BBS2: variants seen among roughly 807,000 people sequenced by gnomAD.
BBS2 encodes BBSome complex member BBS2.
In BBS2, 62 loss-of-function variants were observed where a neutral mutation model predicts 83.0. The ratio of observed to expected loss-of-function variants is 0.75; its 90% CI spans 0.61 to 0.92. BBS2 has a LOEUF of 0.92. Ranked by LOEUF, BBS2 falls within the 40% of genes least tolerant of loss-of-function variation. The pLI is 0.00. For synonymous variants in BBS2, 303 were observed against 326.1 expected (o/e 0.93, Z 0.76); for missense variants, 784 against 901.0 (o/e 0.87, Z 1.66).
At chr16:56,472,287 A>G (rs1195874501) in intron 17 of BBS2, among the ~76,000 whole-genome samples, 17 of 152,082 alleles carry the variant, frequency 1.1e-4, no homozygotes, top group Admixed American at 1.1e-3. Context: ...GTCCAGTTCT[A>G]TTCCTTTTTT....
chr16:56,470,836 A>G, intron 17 of BBS2: 1 of 1,481,050 alleles, frequency 6.8e-7, no homozygotes, highest in Non-Finnish European at 9.0e-7. Context: ...TTAACCATTC[A>G]CCATTCAAAC....
chr16:56,485,803 C>A, intron 15 of BBS2, 65 bp from the exon 16 acceptor site: 1 of 1,521,306 alleles, frequency 6.6e-7, no homozygotes, highest in Non-Finnish European at 9.1e-7. Context: ...GAAAAACTTG[C>A]AAATTTCTTA....
At position 56,497,014 on chromosome 16, in the gene BBS2, G is replaced by C. The variant is rs1221520696; in HGVS notation, c.1863C>G (p.Ile621Met). The C allele has an allele frequency of 1.2e-6, 2 of 1,614,068 alleles. No homozygotes were observed. Among genetic ancestry groups the C allele is most frequent in the Non-Finnish European group, 1.7e-6 (2 of 1,179,984 alleles). Residue 621 changes from isoleucine (I) to methionine (M), a missense_variant, in exon 15 of 17, where the codon ATC (isoleucine) becomes ATG (methionine). By Grantham distance (10) the Ile-to-Met change is conservative. Coordinates refer to ENST00000245157, the MANE Select transcript of BBS2 (RefSeq NM_031885.5). The part of the protein sequence containing the change: ...SADMADHSNL[I>M]RSLLVGAEDA... ...CCTCAGCTCCGACCAGCAAACTTCG[G>C]ATCAAATTAGAATGATCAGCCATAT...
chr16:56,480,018 G>C (rs1346712451), downstream of BBS2, among the ~76,000 whole-genome samples: 1 of 152,234 alleles, frequency 6.6e-6, no homozygotes, highest in Non-Finnish European at 1.5e-5. Context: ...CAGCCTTACA[G>C]AGACTACTTC....
At chr16:56,509,095 T>C (rs958517083) in intron 5 of BBS2, among the ~76,000 whole-genome samples, 2 of 152,182 alleles carry the variant, frequency 1.3e-5, no homozygotes, top group South Asian at 2.1e-4. Context: ...GAAAAAAATA[T>C]AGACATCTCA....
chr16:56,513,557 G>A (rs1964639865), intron 2 of BBS2, among the ~76,000 whole-genome samples: 1 of 152,134 alleles, frequency 6.6e-6, no homozygotes, highest in Non-Finnish European at 1.5e-5. Flanking sequence ...GATCAACCTT[G>A]AAAATATCAT....
In BBS2 at chr16:56,519,649, G is replaced by A. The variant is rs2144213309; in HGVS notation, c.117+97C>T. ...CCGGTTGCCGGGCAACACGGGCTGG[G>A]GGCGGGGTCGGAGAGGGGACGGGAT... On this transcript the variant is annotated intron_variant, in intron 1 of 16. Coordinates refer to ENST00000245157, the MANE Select transcript of BBS2 (RefSeq NM_031885.5). 6.2e-6 allele frequency: 6 copies of A among 970,350 alleles called. No individual in the cohort carries two copies. In the South Asian group the frequency reaches 8.5e-5, roughly 14 times the overall value. The allele number at this position is 970,350 out of a possible 1,614,324, so 60.1% of individuals were successfully genotyped here.
intron 1 of BBS2, 25 bp downstream of exon 1, chr16:56,519,721 G>A (rs773310732): frequency 2.5e-6 from 4 of 1,579,192 alleles, no homozygotes; most frequent in Non-Finnish European, 2.6e-6. Flanking sequence ...TGGGGCCCGG[G>A]CTCCCTGCGG....
At chr16:56,517,110 G>C (rs770912984) in intron 1 of BBS2, among the ~76,000 whole-genome samples, 1 of 151,988 alleles carries the variant, frequency 6.6e-6, no homozygotes, top group African/African-American at 2.4e-5. Context: ...ACCTCTGCCC[G>C]ATCTCCCTGC....
intron 15 of BBS2, among the ~76,000 whole-genome samples, chr16:56,490,727 T>G (rs1963926472): frequency 6.6e-6 from 1 of 152,066 alleles, no homozygotes; most frequent in Non-Finnish European, 1.5e-5. Flanking sequence ...TATACAAAAT[T>G]TTAAAAGCTC....
rs1964877077 is a variant in BBS2, at chr16:56,519,981, C to T, written c.-119G>A. On this transcript the variant is annotated 5_prime_UTR_variant, in exon 1 of 17. Coordinates refer to ENST00000245157, the MANE Select transcript of BBS2 (RefSeq NM_031885.5). The stretch of plus-strand genomic sequence containing the variant: ...CCTGCGCGGCCCCAGCCGCCTCAGG[C>T]CGGACGCGAAACAGCCCGGGACGAA... 1.1e-6 allele frequency: 1 copy of T among 902,340 alleles called. No individual in the cohort carries two copies. Among genetic ancestry groups the T allele is most frequent in the East Asian group, 2.6e-5 (1 of 38,222 alleles). The allele number at this position is 902,340 out of a possible 1,614,324, so 55.9% of individuals were successfully genotyped here.
chr16:56,493,490 T>A, intron 15 of BBS2, among the ~76,000 whole-genome samples: 1 of 151,908 alleles, frequency 6.6e-6, no homozygotes, highest in South Asian at 2.1e-4. Context: ...TATCTGTGTG[T>A]ATCTGCATAT....
downstream of BBS2, among the ~76,000 whole-genome samples, chr16:56,481,189 ATAGTTT>A (rs1274765874): frequency 6.6e-6 from 1 of 152,026 alleles, no homozygotes; most frequent in Non-Finnish European, 1.5e-5. Context: ...GGGTTGCATA[ATAGTTT>A]TAAAGTTCCT....
intron 2 of BBS2, 57 bp from the exon 3 acceptor site, chr16:56,511,341 T>A: frequency 6.2e-7 from 1 of 1,607,446 alleles, no homozygotes; most frequent in Non-Finnish European, 8.5e-7. Flanking sequence ...GGCCCACATA[T>A]TAATTGGGCC....
At chr16:56,491,678 A>T (rs1382570564) in intron 15 of BBS2, among the ~76,000 whole-genome samples, 2 of 151,884 alleles carry the variant, frequency 1.3e-5, no homozygotes, top group African/African-American at 4.8e-5. Context: ...AAAACAATGA[A>T]AAATGCCCAA....
intron 12 of BBS2, chr16:56,498,874 G>GCAATT: frequency 2.1e-6 from 1 of 474,022 alleles, no homozygotes; most frequent in South Asian, 2.0e-5. Flanking sequence ...AGTCTTATAT[G>GCAATT]CAATGTACAA....
At chr16:56,472,810 C>T (rs1353654216) in intron 17 of BBS2, among the ~76,000 whole-genome samples, 1 of 152,114 alleles carries the variant, frequency 6.6e-6, no homozygotes, top group Non-Finnish European at 1.5e-5. Context: ...ATTTTTTCCA[C>T]TTAATATTTC....
chr16:56,493,602 T>C (rs557792298), intron 15 of BBS2, among the ~76,000 whole-genome samples: 5 of 152,232 alleles, frequency 3.3e-5, no homozygotes, highest in Middle Eastern at 3.4e-3. Flanking sequence ...GCCTGTCTTA[T>C]AGATCTAACT....
At chr16:56,512,679 T>A (rs1437434824) in intron 2 of BBS2, among the ~76,000 whole-genome samples, 2 of 152,174 alleles carry the variant, frequency 1.3e-5, no homozygotes, top group East Asian at 3.8e-4. Flanking sequence ...GTCAGAACAG[T>A]GATTGTCTAT....
Sources: gnomAD v4.1 joint callset for allele counts (sites outside exome capture counted in the v4.1 genomes callset) on GRCh38, gnomAD v4.1.1 for gene constraint, MANE v1.5 for transcripts, NCBI Gene and HGNC (gene_info 2026-07-23, HGNC 2026-07-21) for gene names.